Variants in TBC1D30 observed in about 807,000 individuals in gnomAD.
TBC1D30 encodes TBC1 domain family member 30.
Under a neutral mutation model 63.2 loss-of-function variants are expected in TBC1D30, and 31 were observed. The ratio of observed to expected loss-of-function variants is 0.49; its 90% CI spans 0.37 to 0.66. The LOEUF (loss-of-function observed/expected upper bound fraction) is 0.66, where lower values mean the gene tolerates loss of function less well. Among genes scored for constraint, TBC1D30 ranks in the 30% least tolerant of loss-of-function variants. TBC1D30 has a pLI of 0.00. For missense variants in TBC1D30, 810 were observed against 953.6 expected (o/e 0.85, Z 1.98); for synonymous variants, 307 against 361.5 (o/e 0.85, Z 1.71).
At chr12:64,872,637 G>A (rs76749313) in intron 11 of TBC1D30, among the ~76,000 whole-genome samples, 19 of 152,304 alleles carry the variant, frequency 1.2e-4, no homozygotes, top group African/African-American at 4.6e-4. Context: ...TAACAAGCCC[G>A]TAGGCACTGC....
chr12:64,782,005 GGA>G (rs1871322001), intron 1 of TBC1D30, among the ~76,000 whole-genome samples: 1 of 151,948 alleles, frequency 6.6e-6, no homozygotes, highest in Non-Finnish European at 1.5e-5. Context: ...TGGCTTTCAG[GGA>G]GAGAGGCTAA....
chr12:64,801,799 CAGG>C (rs1872594372), intron 2 of TBC1D30, among the ~76,000 whole-genome samples: 1 of 152,066 alleles, frequency 6.6e-6, no homozygotes, highest in African/African-American at 2.4e-5. Context: ...TATCAGGCAG[CAGG>C]AGAATAGCAA....
chr12:64,827,335 G>T (rs1227124646), intron 1 of TBC1D30, among the ~76,000 whole-genome samples: 2 of 152,152 alleles, frequency 1.3e-5, no homozygotes, highest in African/African-American at 4.8e-5. Context: ...TATAATCCCA[G>T]CTATTTGGGA....
In TBC1D30 at chr12:64,875,230, GC is replaced by G; in HGVS notation, c.1730del (p.Pro577GlnfsTer13). 1 of 1,536,330 alleles carries G rather than the reference GC, an allele frequency of 6.5e-7. No individual in the cohort carries two copies. The highest frequency in any genetic ancestry group is 8.7e-7 in the Non-Finnish European group (1 of 1,146,920). On this transcript the variant is annotated frameshift_variant, in exon 12 of 12. Transcript: ENST00000539867. LOFTEE classifies it low-confidence loss of function (END_TRUNC). ...ACATCCGAGTCCACAAAAAGAACAT[GC>G]CAAGGACCAAGAGTCATCCGGGCTG... ...THIRVHKKNMPRTKSHPGCGD... is the reference protein window; with the variant it reads ...THIRVHKKNMXRTKSHPGCGD...
At chr12:64,824,528 G>T (rs373413528), upstream of TBC1D30, 60 of 232,318 alleles carry the variant, frequency 2.6e-4, no homozygotes, top group East Asian at 3.9e-3. Flanking sequence ...GGGGAGCTGG[G>T]GCGGCCCCGC....
intron 1 of TBC1D30, among the ~76,000 whole-genome samples, chr12:64,761,852 C>G (rs1194810882): frequency 5.3e-5 from 8 of 152,170 alleles, no homozygotes; most frequent in Non-Finnish European, 8.8e-5. Flanking sequence ...CTTCCTTGCT[C>G]GAGATCCAAG....
intron 8 of TBC1D30, among the ~76,000 whole-genome samples, chr12:64,851,160 T>C (rs1389080856): frequency 6.6e-6 from 1 of 152,196 alleles, no homozygotes; most frequent in Non-Finnish European, 1.5e-5. Context: ...TTCTTCTCTC[T>C]TTTCTTCTTT....
intron 2 of TBC1D30, among the ~76,000 whole-genome samples, chr12:64,808,846 G>A (rs1337200175): frequency 6.6e-6 from 1 of 152,038 alleles, no homozygotes; most frequent in Non-Finnish European, 1.5e-5. Context: ...CTGTAGCATG[G>A]ATTATATAAT....
chr12:64,795,120 G>A (rs978429824), intron 2 of TBC1D30, among the ~76,000 whole-genome samples: 4 of 152,162 alleles, frequency 2.6e-5, no homozygotes, highest in Non-Finnish European at 5.9e-5. Flanking sequence ...CCCTGGCAGG[G>A]CTTATTGACT....
intron 2 of TBC1D30, among the ~76,000 whole-genome samples, chr12:64,798,954 A>C (rs964568263): frequency 6.6e-6 from 1 of 151,942 alleles, no homozygotes; most frequent in Non-Finnish European, 1.5e-5. Flanking sequence ...CTGGGACTAC[A>C]GGCACCCACC....
At chr12:64,849,512 A>T (rs1005581154) in intron 8 of TBC1D30, among the ~76,000 whole-genome samples, 1 of 152,292 alleles carries the variant, frequency 6.6e-6, no homozygotes, top group East Asian at 1.9e-4. Context: ...TTTTCCCAAC[A>T]CCATTTATAA....
chr12:64,777,779 A>G (rs1366942063), upstream of TBC1D30, among the ~76,000 whole-genome samples: 1 of 152,222 alleles, frequency 6.6e-6, no homozygotes, highest in Non-Finnish European at 1.5e-5. Context: ...TATGGAACCA[A>G]AAAGGAGTCT....
Position 64,877,021 on chromosome 12 carries a change from T to C in TBC1D30, c.*1233T>C, listed in dbSNP as rs1373005498. The C allele has an allele frequency of 2.4e-6, 1 of 415,924 alleles. No individual in the cohort carries two copies. Among genetic ancestry groups the C allele is most frequent in the Admixed American group, 2.5e-5 (1 of 39,498 alleles). 25.8% of individuals were successfully genotyped at this position (415,924 alleles called of 1,614,324 possible). ...TTAATGCTCTTTGTACACAGATGTA[T>C]TGGCTACATAGCGTGTAAAAACCAA... On this transcript the variant is annotated 3_prime_UTR_variant, in exon 12 of 12. Coordinates refer to ENST00000539867, the MANE Select transcript of TBC1D30 (RefSeq NM_015279.2).
chr12:64,788,184 T>C (rs995188502), intron 2 of TBC1D30, among the ~76,000 whole-genome samples: 1 of 147,460 alleles, frequency 6.8e-6, no homozygotes. Flanking sequence ...GGAAGAAGGG[T>C]GTGTAGGGGT....
chr12:64,764,316 G>A (rs1213270648), intron 1 of TBC1D30, among the ~76,000 whole-genome samples: 1 of 152,030 alleles, frequency 6.6e-6, no homozygotes, highest in African/African-American at 2.4e-5. Flanking sequence ...TTTTCCAAGA[G>A]CTTAAGCAAA....
At chr12:64,839,523 G>A (rs1875655892) in intron 7 of TBC1D30, among the ~76,000 whole-genome samples, 1 of 152,198 alleles carries the variant, frequency 6.6e-6, no homozygotes, top group South Asian at 2.1e-4. Context: ...TAGTTAAGAA[G>A]CAGTGAAGTT....
At chr12:64,848,689 GT>G (rs1274160176) in intron 8 of TBC1D30, among the ~76,000 whole-genome samples, 12 of 152,154 alleles carry the variant, frequency 7.9e-5, no homozygotes, top group African/African-American at 2.9e-4. Flanking sequence ...GGGAATTTGG[GT>G]TGGTTCCAAG....
Position 64,801,341 on chromosome 12 carries a change from C to T in TBC1D30, c.643+15296C>T, listed in dbSNP as rs534365062. Among the ~76,000 whole-genome samples the T allele has an allele frequency of 3.9e-5, 6 of 152,124 alleles. No homozygotes were observed. In the East Asian group the frequency reaches 7.7e-4, roughly 20 times the overall value. Reference sequence around the variant, plus strand: ...TTGTGTGTGTGTGTGCATGTGTGTGCACACATGAAGCAGGTGATTTGGCTA... The same window carrying T: ...TTGTGTGTGTGTGTGCATGTGTGTGTACACATGAAGCAGGTGATTTGGCTA... On this transcript the variant is annotated intron_variant, in intron 2 of 12. Transcript: ENST00000542120.
upstream of TBC1D30, among the ~76,000 whole-genome samples, chr12:64,819,916 G>T (rs910953460): frequency 2.0e-5 from 3 of 152,106 alleles, no homozygotes; most frequent in Admixed American, 2.0e-4. Context: ...ATCTCCTGCC[G>T]AATGGGAGAC....
Sources: allele counts gnomAD v4.1 joint callset (sites outside exome capture counted in the v4.1 genomes callset), GRCh38; gene constraint gnomAD v4.1.1; transcripts MANE v1.5; gene names NCBI Gene and HGNC (gene_info 2026-07-23, HGNC 2026-07-21).